DPYD: variants seen among roughly 807,000 people sequenced by gnomAD.
The protein encoded by DPYD is dihydropyrimidine dehydrogenase [NADP(+)].
In DPYD, 109 loss-of-function variants were observed where a neutral mutation model predicts 116.2. That is an observed-to-expected ratio of 0.94 (90% CI 0.80 to 1.10). The LOEUF (loss-of-function observed/expected upper bound fraction) is 1.10. Among genes scored for constraint, DPYD ranks in the 50% least tolerant of loss-of-function variants. The probability of loss-of-function intolerance (pLI) is 0.00; values close to 1 mark genes in which losing one functional copy is unlikely to be tolerated. For missense variants in DPYD, 1,302 were observed against 1,254.5 expected, an observed-to-expected ratio of 1.04 and a Z score of -0.57; for synonymous variants, 440 against 432.0, an observed-to-expected ratio of 1.02 and a Z score of -0.23.
intron 20 of DPYD, among the ~76,000 whole-genome samples, chr1:97,141,545 T>C (rs1354563344): frequency 6.6e-6 from 1 of 152,184 alleles, no homozygotes; most frequent in Non-Finnish European, 1.5e-5. Flanking sequence ...CTGTCTAACC[T>C]TTAAAATGCA....
intron 14 of DPYD, among the ~76,000 whole-genome samples, chr1:97,401,859 T>C (rs1186860062): frequency 1.3e-5 from 2 of 152,174 alleles, no homozygotes; most frequent in East Asian, 3.9e-4. Context: ...ATGCAGTTGT[T>C]CCAGCACCAT....
chr1:97,664,833 A>C (rs1434891909), intron 8 of DPYD, among the ~76,000 whole-genome samples: 1 of 152,086 alleles, frequency 6.6e-6, no homozygotes, highest in Non-Finnish European at 1.5e-5. Flanking sequence ...AAATGACTAT[A>C]AGTTGTAAAA....
intron 20 of DPYD, among the ~76,000 whole-genome samples, chr1:97,102,336 AT>A (rs747007391): frequency 2.0e-5 from 3 of 148,280 alleles, no homozygotes; most frequent in East Asian, 4.0e-4. Flanking sequence ...TGATATCTAA[AT>A]TGTAATATGT....
chr1:97,501,709 T>C (rs1679596080), intron 13 of DPYD, among the ~76,000 whole-genome samples: 1 of 151,812 alleles, frequency 6.6e-6, no homozygotes, highest in South Asian at 2.1e-4. Context: ...AAAAAAGAAA[T>C]CTTACTCATG....
chr1:97,498,784 C>A (rs1439467796), intron 13 of DPYD, among the ~76,000 whole-genome samples: 1 of 151,560 alleles, frequency 6.6e-6, no homozygotes, highest in East Asian at 1.9e-4. Flanking sequence ...TCCATCACCT[C>A]AAATATTTAA....
intron 4 of DPYD, among the ~76,000 whole-genome samples, chr1:97,734,880 A>G (rs1306269871): frequency 6.6e-6 from 1 of 152,072 alleles, no homozygotes; most frequent in African/African-American, 2.4e-5. Context: ...TCATAAAACT[A>G]GGATTGTGTA....
chr1:97,477,454 A>G (rs1678031550), intron 13 of DPYD, among the ~76,000 whole-genome samples: 1 of 152,128 alleles, frequency 6.6e-6, no homozygotes, highest in African/African-American at 2.4e-5. Flanking sequence ...TCAGTGAGAG[A>G]TATGCAACTC....
chr1:97,613,097 C>A (rs1656050502), intron 8 of DPYD, among the ~76,000 whole-genome samples: 1 of 151,980 alleles, frequency 6.6e-6, no homozygotes, highest in South Asian at 2.1e-4. Context: ...CCCTTTCTCT[C>A]TTTCCTTTTT....
chr1:97,594,071 T>TA (rs35471205), intron 9 of DPYD, among the ~76,000 whole-genome samples: 16 of 152,164 alleles, frequency 1.1e-4, no homozygotes, highest in Non-Finnish European at 1.5e-4. Context: ...AAGATCCTTG[T>TA]AAAAAAAGTA....
chr1:97,468,006 A>G (rs1364549346), intron 13 of DPYD, among the ~76,000 whole-genome samples: 1 of 152,156 alleles, frequency 6.6e-6, no homozygotes, highest in Non-Finnish European at 1.5e-5. Flanking sequence ...CCTATGGTAA[A>G]GAGTCAGATG....
intron 13 of DPYD, among the ~76,000 whole-genome samples, chr1:97,470,849 G>A (rs1677607509): frequency 6.6e-6 from 1 of 152,102 alleles, no homozygotes; most frequent in Admixed American, 6.5e-5. Flanking sequence ...AATTAGCAGG[G>A]CGTGGTGGTG....
At chr1:97,480,188 T>C (rs1570804029) in intron 13 of DPYD, among the ~76,000 whole-genome samples, 1 of 152,040 alleles carries the variant, frequency 6.6e-6, no homozygotes, top group East Asian at 1.9e-4. Flanking sequence ...CTACTATACA[T>C]CCCTTTTGAA....
chr1:97,757,209 G>A (rs1024657344), intron 3 of DPYD, among the ~76,000 whole-genome samples: 1 of 152,158 alleles, frequency 6.6e-6, no homozygotes, highest in Non-Finnish European at 1.5e-5. Flanking sequence ...AATTAAACAA[G>A]TGAACAAACA....
chr1:97,504,313 A>T (rs905127860), intron 13 of DPYD, among the ~76,000 whole-genome samples: 39 of 152,138 alleles, frequency 2.6e-4, no homozygotes, highest in African/African-American at 8.7e-4. Flanking sequence ...AAGATGAGCT[A>T]AAAGAGATGC....
At chr1:97,180,404 T>C (rs1200671186) in intron 20 of DPYD, among the ~76,000 whole-genome samples, 1 of 152,042 alleles carries the variant, frequency 6.6e-6, no homozygotes, top group Non-Finnish European at 1.5e-5. Flanking sequence ...AGCTCAAAAT[T>C]GCAGAGAGGT....
At chr1:97,694,462 T>G (rs1383660076) in intron 6 of DPYD, among the ~76,000 whole-genome samples, 1 of 152,188 alleles carries the variant, frequency 6.6e-6, no homozygotes, top group Non-Finnish European at 1.5e-5. Flanking sequence ...GGGAAATGTC[T>G]TAGGACTTTA....
chr1:97,742,613 T>C (rs1467478976), intron 3 of DPYD, among the ~76,000 whole-genome samples: 1 of 152,160 alleles, frequency 6.6e-6, no homozygotes, highest in Non-Finnish European at 1.5e-5. Context: ...AAGTATAATC[T>C]GCAGCATACA....
At position 97,327,581 on chromosome 1, in the gene DPYD, T is replaced by C. The variant is rs1668771743; in HGVS notation, c.2059-21284A>G. Among the ~76,000 whole-genome samples the C allele has an allele frequency of 3.3e-5, 5 of 152,142 alleles. No homozygotes were observed. In the South Asian group the frequency reaches 1.0e-3, roughly 32 times the overall value. ...CTTTGAGTAAGAAAATTTTACTCCT[T>C]TATTGAGTAAATACACTGTACTCAA... On this transcript the variant is annotated intron_variant, in intron 16 of 22. Transcript: ENST00000370192.
intron 14 of DPYD, among the ~76,000 whole-genome samples, chr1:97,442,089 T>G (rs374485043): frequency 6.6e-6 from 1 of 152,100 alleles, no homozygotes; most frequent in African/African-American, 2.4e-5. Context: ...CTCACATGCA[T>G]GAGCTGATCT....
Sources: gnomAD v4.1 joint callset for allele counts (sites outside exome capture counted in the v4.1 genomes callset) on GRCh38, gnomAD v4.1.1 for gene constraint, MANE v1.5 for transcripts, NCBI Gene and HGNC (gene_info 2026-07-23, HGNC 2026-07-21) for gene names.